Variants in FAT1 observed in about 807,000 individuals in gnomAD.
The protein encoded by FAT1 is FAT atypical cadherin 1.
In FAT1, 171 loss-of-function variants were observed where a neutral mutation model predicts 329.8. The observed-to-expected ratio is 0.52, with a 90% confidence interval of 0.46 to 0.59. FAT1 has a LOEUF of 0.59. FAT1 is among the 20% of genes least tolerant of loss of function. The pLI is 0.00. For synonymous variants in FAT1, 2,233 were observed against 2,228.6 expected (o/e 1.00, Z -0.06); for missense variants, 5,672 against 5,774.4 (o/e 0.98, Z 0.57).
chr4:186,627,158 C>G (rs1253216243), intron 9 of FAT1, among the ~76,000 whole-genome samples: 3 of 69,904 alleles, frequency 4.3e-5, no homozygotes, highest in African/African-American at 6.7e-5. Context: ...TTCACCAGCC[C>G]ACAGAATGAA....
At position 186,663,472 on chromosome 4, in the gene FAT1, G is replaced by A. The variant is rs1742277531; in HGVS notation, c.3407C>T (p.Ala1136Val). Residue 1136 changes from alanine (A) to valine (V), a missense_variant, in exon 3 of 27, where the codon GCA becomes GTA. Physicochemically the swap from Ala to Val is moderately conservative, Grantham distance 64 (BLOSUM62 0). Transcript: ENST00000441802. ...ATAAACAGGCTCTGATGTCTGTGGT[G>A]CATTGTCATTGACATCCTCAACCTC... The part of the protein sequence containing the change: ...YIEVEDVNDN[A>V]PQTSEPVYYP... 6.2e-7 allele frequency: 1 copy of A among 1,614,026 alleles called. No individual in the cohort carries two copies. The highest frequency in any genetic ancestry group is 8.5e-7 in the Non-Finnish European group (1 of 1,179,896).
intron 2 of FAT1, among the ~76,000 whole-genome samples, chr4:186,687,261 G>GT (rs1308583968): frequency 2.6e-5 from 4 of 152,138 alleles, no homozygotes; most frequent in Non-Finnish European, 5.9e-5. Context: ...GACTGAATTA[G>GT]TATTTTCCAC....
In FAT1 at chr4:186,618,072, T is replaced by C. The variant is rs1281308258; in HGVS notation, c.8514A>G (p.Ser2838=). Residue 2838 remains serine (S), a synonymous_variant, in exon 10 of 27, where the codon TCA becomes TCG. Coordinates refer to ENST00000441802, the MANE Select transcript of FAT1 (RefSeq NM_005245.4). ...VIQIRASDAD[S]GTNGQVMYSL... is the part of the protein sequence containing the mutation. ...TATACATAACTTGGCCGTTGGTTCC[T>C]GAGTCAGCATCAGATGCCCTGATCT... 6.2e-7 allele frequency: 1 copy of C among 1,613,922 alleles called. No individual in the cohort carries two copies. Among genetic ancestry groups the C allele is most frequent in the African/African-American group, 1.3e-5 (1 of 74,932 alleles).
intron 2 of FAT1, among the ~76,000 whole-genome samples, chr4:186,697,451 T>C (rs1744091586): frequency 1.3e-5 from 2 of 152,358 alleles, no homozygotes; most frequent in East Asian, 3.9e-4. Flanking sequence ...CTGTTCATTA[T>C]ATCTGTTTTA....
chr4:186,694,448 T>C (rs987345123), intron 2 of FAT1, among the ~76,000 whole-genome samples: 1 of 152,236 alleles, frequency 6.6e-6, no homozygotes, highest in African/African-American at 2.4e-5. Flanking sequence ...AGTTCCTAAG[T>C]AGCAAGAAGA....
At position 186,707,702 on chromosome 4, in the gene FAT1, A is replaced by G. The variant is rs2126690725; in HGVS notation, c.2126T>C (p.Val709Ala). Residue 709 changes from valine (V) to alanine (A), a missense_variant, in exon 2 of 27, where the codon GTC becomes GCC. This residue lies in a region of FAT1 where 3,966 missense variants were observed against 3,915.2 expected (regional missense o/e 1.01). Coordinates refer to ENST00000441802, the MANE Select transcript of FAT1 (RefSeq NM_005245.4). ...VEDIFFDSHS[V>A]NAHIPQFRST... is the part of the protein sequence containing the mutation. ...TCTAAACTGCGGTATGTGAGCATTG[A>G]CAGAGTGAGAATCGAAGAAAATATC... 1 of 1,613,876 alleles carries G rather than the reference A, an allele frequency of 6.2e-7. No homozygotes were observed. The highest frequency in any genetic ancestry group is 8.5e-7 in the Non-Finnish European group (1 of 1,179,870).
intron 9 of FAT1, among the ~76,000 whole-genome samples, chr4:186,623,989 A>G (rs565170437): frequency 1.1e-4 from 17 of 152,310 alleles, no homozygotes; most frequent in African/African-American, 3.6e-4. Flanking sequence ...ATATAGATTA[A>G]GGCAGAAATC....
intron 2 of FAT1, among the ~76,000 whole-genome samples, chr4:186,704,684 G>A (rs1744486194): frequency 6.6e-6 from 1 of 152,110 alleles, no homozygotes; most frequent in African/African-American, 2.4e-5. Flanking sequence ...ATTTTTCTAT[G>A]TTGAAACAGT....
At chr4:186,616,765 G>A (rs995867007) in intron 11 of FAT1, among the ~76,000 whole-genome samples, 1 of 152,084 alleles carries the variant, frequency 6.6e-6, no homozygotes, top group African/African-American at 2.4e-5. Context: ...TTTCAGTGTT[G>A]GATGCAACTG....
At chr4:186,718,068 C>T (rs536773844) in intron 1 of FAT1, among the ~76,000 whole-genome samples, 118 of 152,244 alleles carry the variant, frequency 7.8e-4, no homozygotes, top group African/African-American at 2.1e-3. Flanking sequence ...TTATTTTATA[C>T]GTTGAATTGG....
At position 186,604,786 on chromosome 4, in the gene FAT1, A is replaced by C. The variant is rs2584347; in HGVS notation, c.10351-212T>G. ...GTGTAGCGAAAAGGGAAGAAAAAGG[A>C]GGATGAAGGAAACATGGTAAGAAAG... On this transcript the variant is annotated intron_variant, in intron 17 of 26. Transcript: ENST00000441802. Among the ~76,000 whole-genome samples the C allele has an allele frequency of 0.44, 53,898 of 123,134 alleles. 11,393 individuals carry two copies. Among genetic ancestry groups the C allele is most frequent in the East Asian group, 0.68 (2,914 of 4,292 alleles). 80.8% of individuals were successfully genotyped at this position (123,134 alleles called of 152,430 possible).
chr4:186,643,473 C>T (rs190623482), intron 3 of FAT1, among the ~76,000 whole-genome samples: 51 of 152,212 alleles, frequency 3.4e-4, no homozygotes, highest in African/African-American at 8.4e-4. Flanking sequence ...AGAGAGAGGC[C>T]GTGCATGAGT....
At chr4:186,693,000 T>C (rs901047644) in intron 2 of FAT1, among the ~76,000 whole-genome samples, 20 of 152,188 alleles carry the variant, frequency 1.3e-4, no homozygotes, top group Admixed American at 1.3e-3. Context: ...GAAAATGAAG[T>C]AGGAAGACGA....
intron 3 of FAT1, among the ~76,000 whole-genome samples, chr4:186,641,398 T>G (rs1741085772): frequency 6.6e-6 from 1 of 152,212 alleles, no homozygotes; most frequent in South Asian, 2.1e-4. Flanking sequence ...TAATCTCTTT[T>G]TTTCCCCAAT....
chr4:186,626,153 A>AGAATGAAT (rs548372066), intron 9 of FAT1, among the ~76,000 whole-genome samples: 3 of 91,464 alleles, frequency 3.3e-5, no homozygotes, highest in Non-Finnish European at 2.2e-5. Context: ...ATCAGCCTAC[A>AGAATGAAT]GAATGAATGA....
chr4:186,714,982 G>A (rs1280424477), intron 1 of FAT1, among the ~76,000 whole-genome samples: 1 of 152,164 alleles, frequency 6.6e-6, no homozygotes, highest in Non-Finnish European at 1.5e-5. Context: ...GGAGGCAGAG[G>A]CAGGAGAATC....
chr4:186,614,368 G>T, intron 11 of FAT1, 24 bp from the exon 12 acceptor site: 2 of 1,481,150 alleles, frequency 1.4e-6, no homozygotes, highest in Non-Finnish European at 1.8e-6. Context: ...AAACAAAAAC[G>T]TTACATAAAA....
In FAT1 at chr4:186,596,863, G is replaced by A. The variant is rs553450953; in HGVS notation, c.12677C>T (p.Ala4226Val). The change falls in exon 25 of 27, where the codon GCT becomes GTT. Residue 4226 changes from alanine to valine, a missense_variant. Coordinates refer to ENST00000441802, the MANE Select transcript of FAT1 (RefSeq NM_005245.4). The surrounding 1 kb of genome is among the most constrained non-coding windows in gnomAD (Gnocchi z 4.7). ...PKDKHLGPAT[A>V]FLQRPYFDSK... ...ATCAAAATACGGTCTTTGCAAGAAA[G>A]CCGTAGCGGGTCCCAGGTGCTTGTC... 6.2e-7 allele frequency: 1 copy of A among 1,613,998 alleles called. No homozygotes were observed. Among genetic ancestry groups the A allele is most frequent in the African/African-American group, 1.3e-5 (1 of 75,044 alleles).
At chr4:186,659,946 C>T (rs185222610) in intron 3 of FAT1, among the ~76,000 whole-genome samples, 6 of 150,582 alleles carry the variant, frequency 4.0e-5, no homozygotes, top group South Asian at 4.2e-4. Flanking sequence ...CGACGCTGGG[C>T]GCTCCTGCAC....
Sources: gnomAD v4.1 joint callset for allele counts (sites outside exome capture counted in the v4.1 genomes callset) on GRCh38, gnomAD v4.1.1 for gene constraint, gnomAD v4.1.1 regional missense constraint, Gnocchi (gnomAD v3.1) non-coding constraint, MANE v1.5 for transcripts, NCBI Gene and HGNC (gene_info 2026-07-23, HGNC 2026-07-21) for gene names.